The following PAM variants were observed in gnomAD, a reference collection of about 807,000 sequenced individuals.
PAM encodes the protein peptidylglycine alpha-amidating monooxygenase, also known as peptidyl-glycine alpha-amidating monooxygenase.
PAM carries 72 observed loss-of-function variants against 122.1 expected under a neutral mutation model. That is an observed-to-expected ratio of 0.59 (90% CI 0.49 to 0.72). The LOEUF (loss-of-function observed/expected upper bound fraction) is 0.72. Among genes scored for constraint, PAM ranks in the 30% least tolerant of loss-of-function variants. The pLI is 0.00. For synonymous variants in PAM, 389 were observed against 404.4 expected, an observed-to-expected ratio of 0.96 and a Z score of 0.46; for missense variants, 1,106 against 1,183.7, an observed-to-expected ratio of 0.93 and a Z score of 0.96.
chr5:103,007,196 C>T (rs988864312), intron 19 of PAM, among the ~76,000 whole-genome samples, 185 bp downstream of exon 19: 5 of 149,954 alleles, frequency 3.3e-5, no homozygotes, highest in African/African-American at 9.9e-5. Flanking sequence ...TATACATACA[C>T]ACACACACAC....
At chr5:102,829,432 C>T (rs1292090454) in intron 1 of PAM, among the ~76,000 whole-genome samples, 5 of 144,570 alleles carry the variant, frequency 3.5e-5, no homozygotes, top group African/African-American at 1.0e-4. Flanking sequence ...AGTGCAGTGT[C>T]GCGATCTCGG....
chr5:103,016,026 G>T (rs1313018871), intron 21 of PAM, among the ~76,000 whole-genome samples: 1 of 152,084 alleles, frequency 6.6e-6, no homozygotes, highest in Non-Finnish European at 1.5e-5. Flanking sequence ...CCTATCATTT[G>T]GTAGTCTTTT....
intron 3 of PAM, among the ~76,000 whole-genome samples, chr5:102,888,939 T>C (rs1793973398): frequency 6.6e-6 from 1 of 152,008 alleles, no homozygotes; most frequent in African/African-American, 2.4e-5. Flanking sequence ...AAACATTAAC[T>C]AAATGTAAAA....
intron 13 of PAM, 75 bp downstream of exon 13, chr5:102,960,134 T>C: frequency 2.5e-6 from 2 of 803,606 alleles, no homozygotes; most frequent in Non-Finnish European, 2.0e-6. Context: ...TGTTTGATGA[T>C]ATTTAAAATC....
At position 102,961,188 on chromosome 5, in the gene PAM, T is replaced by C. The variant is rs922828249; in HGVS notation, c.1121T>C (p.Leu374Pro). The C allele has an allele frequency of 1.3e-6, 2 of 1,582,612 alleles. No individual in the cohort carries two copies. Among genetic ancestry groups the C allele is most frequent in the African/African-American group, 2.7e-5 (2 of 74,198 alleles). Residue 374 changes from leucine to proline, a missense_variant, in exon 14 of 26, where the codon CTA becomes CCA. This residue lies in a region of PAM where 670 missense variants were observed against 690.3 expected (regional missense o/e 0.97). Coordinates refer to ENST00000438793, the MANE Select transcript of PAM (RefSeq NM_001177306.2). The stretch of plus-strand genomic sequence containing the variant: ...GAATATAAAGATAAGATTCCTTTAC[T>C]ACAGCAGCCAAAACGAGAAGAAGAA... ...ETEYKDKIPLLQQPKREEEEV... is the reference protein window; with the variant it reads ...ETEYKDKIPLPQQPKREEEEV...
chr5:102,905,291 A>T (rs1285374615), intron 4 of PAM, among the ~76,000 whole-genome samples: 2 of 151,682 alleles, frequency 1.3e-5, no homozygotes, highest in Non-Finnish European at 3.0e-5. Context: ...CCTCACATGG[A>T]TGACCTGTAA....
At chr5:102,945,629 T>A (rs1157790074) in intron 7 of PAM, among the ~76,000 whole-genome samples, 1 of 152,034 alleles carries the variant, frequency 6.6e-6, no homozygotes, top group East Asian at 1.9e-4. Flanking sequence ...TGGCTCTGAG[T>A]TAATTTGCCT....
chr5:102,846,221 C>T (rs1779910563), intron 1 of PAM, among the ~76,000 whole-genome samples: 1 of 152,194 alleles, frequency 6.6e-6, no homozygotes, highest in South Asian at 2.1e-4. Context: ...CCCCCAACTT[C>T]CATTTCAGCC....
intron 1 of PAM, among the ~76,000 whole-genome samples, chr5:102,843,823 A>G (rs1021045777): frequency 2.6e-5 from 4 of 152,202 alleles, no homozygotes; most frequent in Non-Finnish European, 5.9e-5. Context: ...CTAAACACCT[A>G]TCACACAGGT....
downstream of PAM, chr5:103,030,206 A>G (rs929616938): frequency 1.3e-5 from 2 of 152,252 alleles, no homozygotes; most frequent in African/African-American, 4.8e-5. Context: ...GCAGTGAGCT[A>G]TGATCAATCC....
rs145810901 is a variant in PAM at position 102,762,077 on chromosome 5, T to C, written c.-374+6729T>C. Among the ~76,000 whole-genome samples, 390 of 152,344 alleles carry C rather than the reference T, an allele frequency of 2.6e-3. 2 individuals are homozygous for C. Among genetic ancestry groups the C allele is most frequent in the African/African-American group, 8.9e-3 (369 of 41,578 alleles). On this transcript the variant is annotated intron_variant, in intron 1 of 25. Transcript: ENST00000438793. Reference sequence around the variant, plus strand: ...AAACGTTACTTTGTTAAATGTCTTTTTCTTTTAATTGTGAGTTTTGAAATC... The same window carrying C: ...AAACGTTACTTTGTTAAATGTCTTTCTCTTTTAATTGTGAGTTTTGAAATC...
chr5:102,809,467 C>T (rs917217286), intron 1 of PAM, among the ~76,000 whole-genome samples: 3 of 151,324 alleles, frequency 2.0e-5, no homozygotes, highest in Non-Finnish European at 2.9e-5. Flanking sequence ...AGAAAAAGAA[C>T]AAGAGTAGAG....
intron 3 of PAM, among the ~76,000 whole-genome samples, chr5:102,890,473 CTT>C (rs144975637): frequency 0.022 from 3,292 of 151,984 alleles, 53 homozygotes; most frequent in Middle Eastern, 0.065. Flanking sequence ...TACAAGGAAA[CTT>C]TCCCTCGTAA....
intron 7 of PAM, among the ~76,000 whole-genome samples, chr5:102,926,872 C>A (rs1749754256): frequency 6.6e-6 from 1 of 152,098 alleles, no homozygotes; most frequent in African/African-American, 2.4e-5. Flanking sequence ...ACCTGTGCAT[C>A]CTACTGTGTT....
chr5:102,867,307 T>A lies in PAM; in HGVS notation c.124T>A (p.Cys42Ser). ...KETTRPFSNE[C>S]LGTTRPVVPI... ...AACTACCAGACCATTTTCCAATGAA[T>A]GTCTTGGTACCACCAGACCCGTAGT... The change falls in exon 3 of 26, where the codon TGT becomes AGT. Residue 42 changes from cysteine to serine, a missense_variant. Cys to Ser is a moderately radical substitution (Grantham distance 112). Coordinates refer to ENST00000438793, the MANE Select transcript of PAM (RefSeq NM_001177306.2). The A allele has an allele frequency of 6.2e-7, 1 of 1,603,532 alleles. No individual in the cohort carries two copies. The highest frequency in any genetic ancestry group is 8.5e-7 in the Non-Finnish European group (1 of 1,170,564).
At chr5:102,768,332 T>G (rs1754721831) in intron 1 of PAM, among the ~76,000 whole-genome samples, 1 of 152,096 alleles carries the variant, frequency 6.6e-6, no homozygotes, top group Non-Finnish European at 1.5e-5. Context: ...ACCTCACACA[T>G]TTTTTGTGTG....
intron 14 of PAM, among the ~76,000 whole-genome samples, chr5:102,969,737 GAGAC>G (rs112957478): frequency 6.6e-6 from 1 of 152,188 alleles, no homozygotes; most frequent in Non-Finnish European, 1.5e-5. Flanking sequence ...AAGTTCAAAT[GAGAC>G]AGACAGACAT....
chr5:102,779,701 T>C (rs983768244), intron 1 of PAM, among the ~76,000 whole-genome samples: 1 of 151,606 alleles, frequency 6.6e-6, no homozygotes, highest in Non-Finnish European at 1.5e-5. Context: ...GAGGTGAGAC[T>C]GGCCTAACCT....
intron 1 of PAM, among the ~76,000 whole-genome samples, chr5:102,814,554 TATATATAGATATATAC>T: frequency 5.4e-5 from 8 of 148,140 alleles, no homozygotes; most frequent in African/African-American, 1.7e-4. Context: ...GATATATACA[TATATATAGATATATAC>T]ATATATTGAT....
Sources: gnomAD v4.1 joint callset for allele counts (sites outside exome capture counted in the v4.1 genomes callset) on GRCh38, gnomAD v4.1.1 for gene constraint, gnomAD v4.1.1 regional missense constraint, MANE v1.5 for transcripts, NCBI Gene and HGNC (gene_info 2026-07-23, HGNC 2026-07-21) for gene names.